The following PGBD5 variants were observed in gnomAD, a reference collection of about 807,000 sequenced individuals.
PGBD5 encodes the protein piggyBac transposable element-derived protein 5.
Under a neutral mutation model 47.9 loss-of-function variants are expected in PGBD5, and 14 were observed. The observed-to-expected ratio is 0.29, with a 90% CI of 0.19 to 0.46. PGBD5 has a LOEUF of 0.46. Among genes scored for constraint, PGBD5 ranks in the 20% least tolerant of loss-of-function variants. The pLI is 1.00. For missense variants in PGBD5, 635 were observed against 716.0 expected (o/e 0.89, Z 1.29); for synonymous variants, 316 against 306.3 (o/e 1.03, Z -0.33).
chr1:230,383,800 C>T (rs1656569966), intron 1 of PGBD5, among the ~76,000 whole-genome samples: 1 of 152,224 alleles, frequency 6.6e-6, no homozygotes, highest in African/African-American at 2.4e-5. Flanking sequence ...GCTTTTGCCT[C>T]TATTTCTGGC....
intron 1 of PGBD5, among the ~76,000 whole-genome samples, chr1:230,424,572 C>G (rs948072807): frequency 6.6e-6 from 1 of 152,238 alleles, no homozygotes; most frequent in Non-Finnish European, 1.5e-5. Flanking sequence ...TCCCATGTGC[C>G]GTGTTCCTGA....
intron 1 of PGBD5, among the ~76,000 whole-genome samples, chr1:230,392,491 G>A (rs552614166): frequency 6.6e-6 from 1 of 152,326 alleles, no homozygotes; most frequent in East Asian, 1.9e-4. Context: ...CCAAAGCTGA[G>A]TTATAAAGCA....
rs372935384 is a variant in PGBD5, at chr1:230,332,890, T to C, written c.1227A>G (p.Lys409=). Residue 409 remains lysine (K), a synonymous_variant, in exon 5 of 7, where the codon AAA becomes AAG. Coordinates refer to ENST00000391860, the MANE Select transcript of PGBD5 (RefSeq NM_001258311.2). ...CGTTGGTCAGGAAGCGGAAGTGTCCTTTGTTGTACCAGCAGATCAAGGACA... is the reference window on the plus strand; with the variant it reads ...CGTTGGTCAGGAAGCGGAAGTGTCCCTTGTTGTACCAGCAGATCAAGGACA... ...GNMSLICWYN[K]GHFRFLTNAY... 3 of 1,614,168 alleles carry C rather than the reference T, an allele frequency of 1.9e-6. No homozygotes were observed. Among genetic ancestry groups the C allele is most frequent in the South Asian group, 1.1e-5 (1 of 91,084 alleles).
chr1:230,381,736 G>A lies in PGBD5; in HGVS notation c.332-24415C>T, dbSNP rs368326937. 1.5e-4 allele frequency among the ~76,000 whole-genome samples: 23 copies of A among 152,218 alleles called. No homozygotes were observed. In the South Asian group the frequency reaches 4.2e-3, roughly 27 times the overall value. ...CTCCACGCCCAGGGTTCCCGGAGCC[G>A]CCGTCTGTGTTCTCTTCCCTTGCAA... On this transcript the variant is annotated intron_variant, in intron 1 of 6. Coordinates refer to ENST00000391860, the MANE Select transcript of PGBD5 (RefSeq NM_001258311.2).
At chr1:230,353,612 C>T (rs1490156902) in intron 2 of PGBD5, among the ~76,000 whole-genome samples, 1 of 152,010 alleles carries the variant, frequency 6.6e-6, no homozygotes, top group Admixed American at 6.6e-5. Flanking sequence ...GGAGTGCAGC[C>T]CTGAAGGATG....
In PGBD5 at chr1:230,425,654, G is replaced by C; in HGVS notation, c.275C>G (p.Ala92Gly). Residue 92 changes from alanine to glycine, a missense_variant, in exon 1 of 7, where the codon GCG (alanine) becomes GGG (glycine). Coordinates refer to ENST00000391860, the MANE Select transcript of PGBD5 (RefSeq NM_001258311.2). This position sits in a 1 kb window ranked among gnomAD's most constrained non-coding sequence, Gnocchi z 4.7. ...GTCCCGCAGCGCTGCGCTCCAGCCC[G>C]CGCCGGCCTCGTCCTCCTCCGGCTC... ...AQEPEEDEAG[A>G]GWSAALRDRP... The C allele has an allele frequency of 1.6e-6, 2 of 1,219,952 alleles. No homozygotes were observed. The highest frequency in any genetic ancestry group is 2.0e-6 in the Non-Finnish European group (2 of 980,376). 75.6% of individuals were successfully genotyped at this position (1,219,952 alleles called of 1,614,324 possible). A position where few individuals can be genotyped will look rare whatever the true frequency, so the allele number is the denominator to read the frequency against.
In PGBD5 at chr1:230,363,303, C is replaced by T. The variant is rs1452112985; in HGVS notation, c.332-5982G>A. The stretch of plus-strand genomic sequence containing the variant: ...TCAGGAAGAAAAGGATGGCTTTGGC[C>T]AGGCATGGTGGCTCATGCCTGTAAT... On this transcript the variant is annotated intron_variant, in intron 1 of 6. Coordinates refer to ENST00000391860, the MANE Select transcript of PGBD5 (RefSeq NM_001258311.2). 2.0e-5 allele frequency among the ~76,000 whole-genome samples: 3 copies of T among 152,170 alleles called. No homozygotes were observed. The East Asian group carries it at 5.8e-4, about 29-fold the overall frequency.
At chr1:230,333,139 C>G in intron 4 of PGBD5, 98 bp from the exon 5 acceptor site, 1 of 1,297,246 alleles carries the variant, frequency 7.7e-7, no homozygotes, top group Non-Finnish European at 1.1e-6. Context: ...CGGGACTGCC[C>G]GGTTCTGAGG....
intron 1 of PGBD5, among the ~76,000 whole-genome samples, chr1:230,390,730 G>C (rs1382796225): frequency 6.6e-6 from 1 of 152,048 alleles, no homozygotes; most frequent in African/African-American, 2.4e-5. Flanking sequence ...TTTAGCAGAG[G>C]CTCATTGCCA....
At chr1:230,423,886 G>A (rs1657713954) in intron 1 of PGBD5, among the ~76,000 whole-genome samples, 1 of 152,200 alleles carries the variant, frequency 6.6e-6, no homozygotes, top group African/African-American at 2.4e-5. Flanking sequence ...ACACGATCCT[G>A]CTCTTCATGA....
intron 5 of PGBD5, among the ~76,000 whole-genome samples, chr1:230,329,550 C>T (rs904707873): frequency 2.0e-5 from 3 of 152,066 alleles, no homozygotes; most frequent in East Asian, 1.9e-4. Context: ...CTTGCTCTGT[C>T]GGCCAGGCTG....
At chr1:230,417,260 G>A (rs533001357) in intron 1 of PGBD5, among the ~76,000 whole-genome samples, 64 of 152,054 alleles carry the variant, frequency 4.2e-4, no homozygotes, top group African/African-American at 1.4e-3. Context: ...ATTCCCTTCT[G>A]CTGTCATTTT....
chr1:230,366,885 C>G (rs573104768), intron 1 of PGBD5, among the ~76,000 whole-genome samples: 2 of 152,258 alleles, frequency 1.3e-5, no homozygotes, highest in Admixed American at 1.3e-4. Flanking sequence ...GTAGCCACCA[C>G]AGTTTATATT....
intron 1 of PGBD5, among the ~76,000 whole-genome samples, chr1:230,368,921 CAG>C (rs1302759798): frequency 6.6e-6 from 1 of 152,264 alleles, no homozygotes; most frequent in Non-Finnish European, 1.5e-5. Flanking sequence ...CACACAGTCT[CAG>C]GGATACACAG....
chr1:230,396,177 C>A (rs1220356929), intron 1 of PGBD5, among the ~76,000 whole-genome samples: 1 of 134,950 alleles, frequency 7.4e-6, no homozygotes, highest in Non-Finnish European at 1.6e-5. Flanking sequence ...CCCTTTTACC[C>A]ACATTCCTTT....
chr1:230,421,596 G>T (rs1657649310), intron 1 of PGBD5, among the ~76,000 whole-genome samples: 1 of 152,082 alleles, frequency 6.6e-6, no homozygotes, highest in Admixed American at 6.6e-5. Flanking sequence ...GAGAACTGAG[G>T]GTTAGCAGTA....
chr1:230,401,434 T>C (rs2102741796), intron 1 of PGBD5, among the ~76,000 whole-genome samples: 1 of 152,324 alleles, frequency 6.6e-6, no homozygotes, highest in South Asian at 2.1e-4. Context: ...GAGGGCCTGA[T>C]CTGGCCTGTT....
At chr1:230,377,894 C>A (rs1007885075) in intron 1 of PGBD5, among the ~76,000 whole-genome samples, 1 of 152,160 alleles carries the variant, frequency 6.6e-6, no homozygotes, top group Non-Finnish European at 1.5e-5. Flanking sequence ...TTCTTAAAGA[C>A]CAGTGAGGCC....
chr1:230,385,374 G>A (rs1270086656), intron 1 of PGBD5, among the ~76,000 whole-genome samples: 5 of 152,142 alleles, frequency 3.3e-5, no homozygotes, highest in South Asian at 2.1e-4. Context: ...CAGCTTTTAC[G>A]TGACGGGAAA....
Sources: gnomAD v4.1 joint callset for allele counts (sites outside exome capture counted in the v4.1 genomes callset) on GRCh38, gnomAD v4.1.1 for gene constraint, Gnocchi (gnomAD v3.1) non-coding constraint, MANE v1.5 for transcripts, NCBI Gene and HGNC (gene_info 2026-07-23, HGNC 2026-07-21) for gene names.